The following STARD9 variants were observed in gnomAD, a reference collection of about 807,000 sequenced individuals.
STARD9 encodes StAR related lipid transfer domain containing 9.
A neutral mutation model predicts 399.8 loss-of-function variants in STARD9; 346 were observed. That is an observed-to-expected ratio of 0.87 (90% confidence interval 0.79 to 0.95). The LOEUF (loss-of-function observed/expected upper bound fraction) is 0.95, where lower values mean the gene tolerates loss of function less well. Among genes scored for constraint, STARD9 ranks in the 40% least tolerant of loss-of-function variants. STARD9 has a pLI of 0.00. For synonymous variants in STARD9, 2,203 were observed against 2,143.5 expected (o/e 1.03, Z -0.77); for missense variants, 5,832 against 5,667.5 (o/e 1.03, Z -0.93).
At chr15:42,637,808 T>C in intron 4 of STARD9, 99 bp from the exon 5 acceptor site, 1 of 1,253,556 alleles carries the variant, frequency 8.0e-7, no homozygotes, top group Non-Finnish European at 1.1e-6. Flanking sequence ...AAGGAGTCCA[T>C]GCACTCATCC....
At chr15:42,612,436 G>A (rs1377780198) in intron 3 of STARD9, among the ~76,000 whole-genome samples, 1 of 152,134 alleles carries the variant, frequency 6.6e-6, no homozygotes, top group Non-Finnish European at 1.5e-5. Context: ...TATGATAAAG[G>A]AATCATTTGT....
At position 42,718,082 on chromosome 15, in the gene STARD9, G is replaced by T; in HGVS notation, c.13665G>T (p.Val4555=). ...TGGTGTCCCAGCCGCTGTCTCGTGT[G>T]TGGGCGGCTGTCAGTGACCCCACTG... ...AGVVSQPLSR[V]WAAVSDPTVW... Residue 4555 remains valine (V), a synonymous_variant, in exon 30 of 33, where the codon GTG becomes GTT. Transcript: ENST00000290607. 6.5e-7 allele frequency: 1 copy of T among 1,537,248 alleles called. No homozygotes were observed. The highest frequency in any genetic ancestry group is 8.7e-7 in the Non-Finnish European group (1 of 1,146,906).
chr15:42,685,081 C>T lies in STARD9; in HGVS notation c.3503C>T (p.Pro1168Leu), dbSNP rs1052750070. Residue 1168 changes from proline to leucine, a missense_variant, in exon 23 of 33, where the codon CCC (proline) becomes CTC (leucine). Coordinates refer to ENST00000290607, the MANE Select transcript of STARD9 (RefSeq NM_020759.3). ...AAAAACAGGCTAGGGGGCAATCGTCCCACCAACAACCGTGGCCAACCCAGG... is the reference window on the plus strand; with the variant it reads ...AAAAACAGGCTAGGGGGCAATCGTCTCACCAACAACCGTGGCCAACCCAGG... ...SPKNRLGGNR[P>L]TNNRGQPRTR... 2.6e-6 allele frequency: 4 copies of T among 1,537,166 alleles called. No individual in the cohort carries two copies. The highest frequency in any genetic ancestry group is 3.5e-6 in the Non-Finnish European group (4 of 1,146,916).
chr15:42,582,311 T>C (rs2058190497), intron 1 of STARD9, among the ~76,000 whole-genome samples: 1 of 152,222 alleles, frequency 6.6e-6, no homozygotes, highest in African/African-American at 2.4e-5. Context: ...TTGATAACTT[T>C]TATTGTTTGT....
chr15:42,677,909 T>G (rs2060344767), intron 20 of STARD9, among the ~76,000 whole-genome samples: 1 of 152,208 alleles, frequency 6.6e-6, no homozygotes. Flanking sequence ...CATCATGGTG[T>G]TGTGCTCTTC....
chr15:42,616,656 C>T (rs962681800), intron 3 of STARD9, among the ~76,000 whole-genome samples: 1 of 152,012 alleles, frequency 6.6e-6, no homozygotes, highest in African/African-American at 2.4e-5. Flanking sequence ...CTTTGGGGGG[C>T]TGAGGTGGGC....
rs766671612 is a variant in STARD9 at position 42,684,968 on chromosome 15, A to G, written c.3390A>G (p.Lys1130=). The change falls in exon 23 of 33, where the codon AAA becomes AAG. Residue 1130 remains lysine, a synonymous_variant. Coordinates refer to ENST00000290607, the MANE Select transcript of STARD9 (RefSeq NM_020759.3). ...AGCCACTGAAGCCAGAGGAGAGGAA[A>G]TGGGATTTCCCAGAGCCAGAGAACT... is the stretch of plus-strand genomic sequence containing the variant. ...LIEPLKPEER[K]WDFPEPENSE... is the part of the protein sequence containing the mutation. 5.2e-6 allele frequency: 8 copies of G among 1,537,046 alleles called. No individual in the cohort carries two copies. The South Asian group carries it at 8.3e-5, about 16-fold the overall frequency.
chr15:42,626,706 T>A (rs984034019), intron 3 of STARD9, among the ~76,000 whole-genome samples: 22 of 151,548 alleles, frequency 1.5e-4, no homozygotes, highest in Non-Finnish European at 2.9e-4. Context: ...GAGACGGGGT[T>A]TCACCGTGTT....
rs1239221751 is a variant in STARD9 at position 42,689,660 on chromosome 15, T to C, written c.8082T>C (p.Cys2694=). 6.5e-7 allele frequency: 1 copy of C among 1,537,750 alleles called. No individual in the cohort carries two copies. The highest frequency in any genetic ancestry group is 8.7e-7 in the Non-Finnish European group (1 of 1,147,030). Residue 2694 remains cysteine, a synonymous_variant, in exon 23 of 33, where the codon TGT becomes TGC. Coordinates refer to ENST00000290607, the MANE Select transcript of STARD9 (RefSeq NM_020759.3). ...QFAGASEPFI[C]HSSSSEIIEK... is the part of the protein sequence containing the mutation. ...CGGGAGCAAGTGAACCATTTATATGTCACTCTAGTTCTTCTGAAATCATAG... is the reference window on the plus strand; with the variant it reads ...CGGGAGCAAGTGAACCATTTATATGCCACTCTAGTTCTTCTGAAATCATAG...
At chr15:42,602,482 G>C (rs150402119) in intron 3 of STARD9, among the ~76,000 whole-genome samples, 272 of 152,324 alleles carry the variant, frequency 1.8e-3, no homozygotes, top group Non-Finnish European at 2.3e-3. Flanking sequence ...TATTAAAAAT[G>C]AAAGTACACT....
At chr15:42,656,811 A>G (rs1458398719) in intron 9 of STARD9, among the ~76,000 whole-genome samples, 1 of 152,148 alleles carries the variant, frequency 6.6e-6, no homozygotes. Flanking sequence ...AGGCATAAGG[A>G]CACATAGGCA....
Position 42,692,146 on chromosome 15 carries a change from C to T in STARD9, c.10568C>T (p.Ser3523Phe). Residue 3523 changes from serine to phenylalanine, a missense_variant, in exon 23 of 33, where the codon TCC becomes TTC. By Grantham distance (155) the Ser-to-Phe change is radical. Transcript: ENST00000290607. ...GACAATGGCCTAGAAGACCAGAACT[C>T]CCCTTTCCACTCCCACCTCAGCACT... ...SMDNGLEDQN[S>F]PFHSHLSTYA... is the part of the protein sequence containing the mutation. The T allele has an allele frequency of 2.6e-6, 4 of 1,537,154 alleles. No homozygotes were observed. Among genetic ancestry groups the T allele is most frequent in the Non-Finnish European group, 3.5e-6 (4 of 1,146,890 alleles).
At chr15:42,638,125 T>C in intron 6 of STARD9, 38 bp downstream of exon 6, 2 of 1,506,284 alleles carry the variant, frequency 1.3e-6, no homozygotes, top group Non-Finnish European at 1.8e-6. Flanking sequence ...ACAGTAGTTC[T>C]TCTTCTACTC....
At chr15:42,613,181 A>G (rs2058889439) in intron 3 of STARD9, among the ~76,000 whole-genome samples, 2 of 152,108 alleles carry the variant, frequency 1.3e-5, no homozygotes, top group Admixed American at 1.3e-4. Context: ...TTATCTCTAT[A>G]TAAACTCCTC....
Position 42,665,308 on chromosome 15 carries a change from C to T in STARD9, c.1232C>T (p.Ala411Val), listed in dbSNP as rs974257676. 2.0e-6 allele frequency: 3 copies of T among 1,536,970 alleles called. No homozygotes were observed. The highest frequency in any genetic ancestry group is 2.0e-5 in the Admixed American group (1 of 50,976). ...AGAGAAGAGATTGAAAGACTGAAAGCCCTGCTGCTGAGCTTTGAACTGGTA... is the reference window on the plus strand; with the variant it reads ...AGAGAAGAGATTGAAAGACTGAAAGTCCTGCTGCTGAGCTTTGAACTGGTA... ...ELREEIERLK[A>V]LLLSFELRNF... Residue 411 changes from alanine to valine, a missense_variant, in exon 14 of 33, where the codon GCC becomes GTC. Transcript: ENST00000290607.
chr15:42,685,891 G>A lies in STARD9; in HGVS notation c.4313G>A (p.Gly1438Asp). 1.3e-6 allele frequency: 2 copies of A among 1,537,132 alleles called. No individual in the cohort carries two copies. Among genetic ancestry groups the A allele is most frequent in the South Asian group, 1.2e-5 (1 of 84,064 alleles). ...AGGCTTATTCAACCAGGAGCTGATG[G>A]CACCTTTCAGGGCAGATGTATCCCT... ...IQRLIQPGAD[G>D]TFQGRCIPDM... The change falls in exon 23 of 33, where the codon GGC becomes GAC. Residue 1438 changes from glycine (G) to aspartate (D), a missense_variant. By Grantham distance (94) the Gly-to-Asp change is moderately conservative. Around this residue, in one of 2 missense-constraint regions of STARD9, gnomAD observed 5,828 missense variants for 5,651.1 expected, o/e 1.03. Transcript: ENST00000290607.
At chr15:42,666,378 C>T (rs1417352592) in intron 15 of STARD9, among the ~76,000 whole-genome samples, 1 of 152,132 alleles carries the variant, frequency 6.6e-6, no homozygotes, top group Non-Finnish European at 1.5e-5. Context: ...TGAACTAGCC[C>T]TTGAAGGTTT....
chr15:42,691,720 A>G lies in STARD9; in HGVS notation c.10142A>G (p.Asp3381Gly). ...SVARTSLQAE[D>G]SNQKASSRLD... ...GCAAGAACATCTCTGCAGGCTGAGGACAGCAATCAGAAAGCCTCATCTCGC... is the reference window on the plus strand; with the variant it reads ...GCAAGAACATCTCTGCAGGCTGAGGGCAGCAATCAGAAAGCCTCATCTCGC... The change falls in exon 23 of 33, where the codon GAC (aspartate) becomes GGC (glycine). Residue 3381 changes from aspartate to glycine, a missense_variant. Physicochemically the swap from Asp to Gly is moderately conservative, Grantham distance 94. Around this residue, in one of 2 missense-constraint regions of STARD9, gnomAD observed 5,828 missense variants for 5,651.1 expected, o/e 1.03. Transcript: ENST00000290607. 1.3e-6 allele frequency: 2 copies of G among 1,537,270 alleles called. No homozygotes were observed. The highest frequency in any genetic ancestry group is 2.4e-5 in the East Asian group (1 of 40,918).
chr15:42,666,855 C>G (rs1224427521), intron 15 of STARD9, among the ~76,000 whole-genome samples: 1 of 152,118 alleles, frequency 6.6e-6, no homozygotes, highest in Non-Finnish European at 1.5e-5. Flanking sequence ...CACTCTGTCA[C>G]CCAGGCTGGA....
Sources: gnomAD v4.1 joint callset for allele counts (sites outside exome capture counted in the v4.1 genomes callset) on GRCh38, gnomAD v4.1.1 for gene constraint, gnomAD v4.1.1 regional missense constraint, MANE v1.5 for transcripts, NCBI Gene and HGNC (gene_info 2026-07-23, HGNC 2026-07-21) for gene names.